Variants in MTMR3 observed in about 807,000 individuals in gnomAD.
MTMR3 encodes myotubularin related protein 3, also known as phosphatidylinositol-3,5-bisphosphate 3-phosphatase MTMR3.
MTMR3 carries 32 observed loss-of-function variants against 132.4 expected under a neutral mutation model. The observed-to-expected ratio is 0.24, with a 90% CI of 0.18 to 0.32. The LOEUF (loss-of-function observed/expected upper bound fraction) is 0.32. Among genes scored for constraint, MTMR3 ranks in the 10% least tolerant of loss-of-function variants. The probability of loss-of-function intolerance (pLI) is 1.00; values close to 1 mark genes in which losing one functional copy is unlikely to be tolerated. For synonymous variants in MTMR3, 556 were observed against 550.3 expected, an observed-to-expected ratio of 1.01 and a Z score of -0.14; for missense variants, 1,216 against 1,489.6, an observed-to-expected ratio of 0.82 and a Z score of 3.02.
intron 12 of MTMR3, 44 bp downstream of exon 12, chr22:30,009,173 A>T (rs754836382): frequency 1.5e-6 from 2 of 1,322,644 alleles, no homozygotes; most frequent in African/African-American, 1.5e-5. Flanking sequence ...GCTCTTAAAT[A>T]ATAAGTTTGC....
chr22:29,970,631 G>C (rs1162304129), intron 2 of MTMR3, among the ~76,000 whole-genome samples: 1 of 148,996 alleles, frequency 6.7e-6, no homozygotes, highest in Admixed American at 6.8e-5. Flanking sequence ...AAGCCACCTT[G>C]CCTGGCCTGT....
At chr22:29,892,856 T>C (rs541545170) in intron 1 of MTMR3, among the ~76,000 whole-genome samples, 48 of 152,238 alleles carry the variant, frequency 3.2e-4, no homozygotes, top group Non-Finnish European at 6.8e-4. Context: ...AGGCCACATA[T>C]CTCTTTTTAC....
At chr22:29,904,284 T>C (rs563378401) in intron 1 of MTMR3, among the ~76,000 whole-genome samples, 1 of 152,312 alleles carries the variant, frequency 6.6e-6, no homozygotes, top group African/African-American at 2.4e-5. Context: ...AGGCTGTATA[T>C]TGTTACTTCT....
intron 1 of MTMR3, among the ~76,000 whole-genome samples, chr22:29,921,561 TAC>T (rs2065413985): frequency 6.6e-6 from 1 of 152,232 alleles, no homozygotes; most frequent in South Asian, 2.1e-4. Context: ...TTTTGAATTG[TAC>T]AGTTTTCTGG....
chr22:29,967,614 A>G lies in MTMR3; in HGVS notation c.-84-3362A>G, dbSNP rs550592602. Among the ~76,000 whole-genome samples the G allele has an allele frequency of 3.3e-5, 5 of 151,886 alleles. 1 individual carries two copies. Among genetic ancestry groups the G allele is most frequent in the South Asian group, 2.1e-4 (1 of 4,814 alleles). ...AGTATACAATTCAGTGGTTTTTAGT[A>G]TAGTCATAAAGCTGTAGAACCATTA... On this transcript the variant is annotated intron_variant, in intron 2 of 19. Transcript: ENST00000401950.
intron 1 of MTMR3, among the ~76,000 whole-genome samples, chr22:29,949,323 G>A (rs564495877): frequency 8.3e-4 from 126 of 151,934 alleles, no homozygotes; most frequent in Non-Finnish European, 1.5e-3. Context: ...CACCCCATCT[G>A]TACTAAAAGT....
Position 30,019,802 on chromosome 22 carries a change from C to A in MTMR3, c.2143C>A (p.Gln715Lys). The A allele has an allele frequency of 6.2e-7, 1 of 1,614,194 alleles. No individual in the cohort carries two copies. The highest frequency in any genetic ancestry group is 8.5e-7 in the Non-Finnish European group (1 of 1,180,034). Reference protein sequence around the residue: ...EPAHRAGIEIQEGKEDPLLEK... With the variant: ...EPAHRAGIEIKEGKEDPLLEK... ...TGCCCACAGGGCAGGCATTGAGATA[C>A]AGGAGGGTAAAGAGGACCCTCTCTT... is the stretch of plus-strand genomic sequence containing the variant. Residue 715 changes from glutamine to lysine, a missense_variant, in exon 17 of 20, where the codon CAG (glutamine) becomes AAG (lysine). Gln to Lys is a moderately conservative substitution (Grantham distance 53, BLOSUM62 1). This residue lies in a region of MTMR3 where 852 missense variants were observed against 852.0 expected (regional missense o/e 1.00). Transcript: ENST00000401950.
chr22:29,898,723 T>A (rs1028749201), intron 1 of MTMR3, among the ~76,000 whole-genome samples: 4 of 152,226 alleles, frequency 2.6e-5, no homozygotes, highest in Middle Eastern at 6.8e-3. Flanking sequence ...GTTTTGAACC[T>A]TCACGCCTTC....
rs142848782 is a variant in MTMR3 at position 30,025,794 on chromosome 22, C to G, written c.3590C>G (p.Ser1197Cys). The change falls in exon 20 of 20, where the codon TCC (serine) becomes TGC (cysteine). Residue 1197 changes from serine (S) to cysteine (C), a missense_variant. By Grantham distance (112) the Ser-to-Cys change is moderately radical. Transcript: ENST00000401950. ...CTGGATAAGCCCATTGCTGCCACTT[C>G]CAACTGAAGCTCAGTGACCTGGGTG... ...LELDKPIAAT[S>C]N 2 of 1,614,022 alleles carry G rather than the reference C, an allele frequency of 1.2e-6. No individual in the cohort carries two copies.
chr22:29,996,738 T>G (rs1359346472), intron 7 of MTMR3: 1 of 152,160 alleles, frequency 6.6e-6, no homozygotes, highest in African/African-American at 2.4e-5. Context: ...TTTTTTCCCC[T>G]TTTTTTGAGA....
chr22:29,968,085 G>T (rs996131883), intron 2 of MTMR3, among the ~76,000 whole-genome samples: 2 of 152,080 alleles, frequency 1.3e-5, no homozygotes, highest in Non-Finnish European at 2.9e-5. Flanking sequence ...GACATACCTT[G>T]TCAGTTCTCT....
intron 19 of MTMR3, chr22:30,025,140 T>G: frequency 6.1e-6 from 1 of 163,146 alleles, no homozygotes; most frequent in Non-Finnish European, 1.4e-5. Context: ...CTATCTGCCA[T>G]GTTGCTGCCT....
At chr22:29,891,303 G>A (rs998435384) in intron 1 of MTMR3, among the ~76,000 whole-genome samples, 9 of 145,318 alleles carry the variant, frequency 6.2e-5, no homozygotes, top group Admixed American at 1.4e-4. Flanking sequence ...GGAGGTATGC[G>A]TGTGCGTGTG....
rs71794606 is a variant in MTMR3, at chr22:29,883,323, CTG to C, written c.-171_-170del. On this transcript the variant is annotated 5_prime_UTR_variant, in exon 1 of 20. Coordinates refer to ENST00000401950, the MANE Select transcript of MTMR3 (RefSeq NM_021090.4). ...CCTGGTGGGGTGGCGGAGGGGGAGA[CTG>C]TGCCGTGGAGGGCCTCGCCATGTCC... The C allele has an allele frequency of 0.045, 6,999 of 155,530 alleles. 538 individuals are homozygous for C. The highest frequency in any genetic ancestry group is 0.16 in the African/African-American group (6,608 of 41,556). 9.6% of individuals were successfully genotyped at this position (155,530 alleles called of 1,614,324 possible).
intron 1 of MTMR3, among the ~76,000 whole-genome samples, chr22:29,925,102 T>C (rs2065489363): frequency 6.6e-6 from 1 of 152,342 alleles, no homozygotes; most frequent in Non-Finnish European, 1.5e-5. Flanking sequence ...GCACAATTAC[T>C]GCTCACTGTA....
chr22:29,999,224 CAG>C (rs1161607953), intron 8 of MTMR3: 1 of 154,346 alleles, frequency 6.5e-6, no homozygotes, highest in Non-Finnish European at 1.4e-5. Flanking sequence ...TAAGCAGTGA[CAG>C]AACATTTATG....
At chr22:29,883,603 A>AGATGCGGGG (rs2064599159) in intron 1 of MTMR3, among the ~76,000 whole-genome samples, 1 of 151,892 alleles carries the variant, frequency 6.6e-6, no homozygotes, top group African/African-American at 2.4e-5. Context: ...CCCGGACCCT[A>AGATGCGGGG]GATGCGGGGG....
At chr22:29,999,767 GCACTTTGGGAGGCCAAGGC>G (rs1443397624) in intron 8 of MTMR3, 2 of 152,226 alleles carry the variant, frequency 1.3e-5, no homozygotes, top group Admixed American at 6.5e-5. Flanking sequence ...TGCAATCCCA[GCACTTTGGGAGGCCAAGGC>G]AGATCAGCTG....
At chr22:29,912,097 TGTA>T (rs139892843) in intron 1 of MTMR3, among the ~76,000 whole-genome samples, 3,992 of 152,182 alleles carry the variant, frequency 0.026, 117 homozygotes, top group East Asian at 0.12. Flanking sequence ...TTAGTGAACT[TGTA>T]GTAATTGCTT....
Sources: allele counts gnomAD v4.1 joint callset (sites outside exome capture counted in the v4.1 genomes callset), GRCh38; gene constraint gnomAD v4.1.1; regional missense constraint gnomAD v4.1.1; transcripts MANE v1.5; gene names NCBI Gene and HGNC (gene_info 2026-07-23, HGNC 2026-07-21).